ABHD18: variants seen among roughly 807,000 people sequenced by gnomAD.
The protein encoded by ABHD18 is cardiolipin-specific deacylase, mitochondrial.
A neutral mutation model predicts 65.9 loss-of-function variants in ABHD18; 55 were observed. The ratio of observed to expected loss-of-function variants is 0.84; its 90% CI spans 0.67 to 1.05. The LOEUF (loss-of-function observed/expected upper bound fraction) is 1.05. Ranked by LOEUF, ABHD18 falls within the 50% of genes least tolerant of loss-of-function variation. The pLI is 0.00. For missense variants in ABHD18, 533 were observed against 558.5 expected (o/e 0.95, Z 0.46); for synonymous variants, 181 against 180.2 (o/e 1.00, Z -0.04).
intron 7 of ABHD18, among the ~76,000 whole-genome samples, chr4:128,015,307 C>T: frequency 6.6e-6 from 1 of 152,118 alleles, no homozygotes; most frequent in East Asian, 1.9e-4. Context: ...GTCGCTCTCT[C>T]TTTTTAAAAA....
chr4:127,984,408 A>G lies in ABHD18; in HGVS notation c.162A>G (p.Pro54=). Residue 54 remains proline (P), a synonymous_variant, in exon 3 of 13, where the codon CCA becomes CCG. Coordinates refer to ENST00000645843, the MANE Select transcript of ABHD18 (RefSeq NM_001358451.3). ...AGAATCTGGTTTCAAGCGATTATCC[A>G]GTACACATTGATAAGGTATTCAAAT... ...RCQNLVSSDY[P]VHIDKIEEQS... is the part of the protein sequence containing the mutation. The G allele has an allele frequency of 1.3e-6, 2 of 1,541,484 alleles. No homozygotes were observed. The highest frequency in any genetic ancestry group is 1.2e-5 in the South Asian group (1 of 83,170).
chr4:127,978,917 T>C (rs1748468166), intron 1 of ABHD18, among the ~76,000 whole-genome samples: 1 of 150,868 alleles, frequency 6.6e-6, no homozygotes, highest in Non-Finnish European at 1.5e-5. Flanking sequence ...TGAAAAATCG[T>C]AAGTTGAACC....
At chr4:127,991,550 A>G (rs1387139310) in intron 4 of ABHD18, among the ~76,000 whole-genome samples, 1 of 151,986 alleles carries the variant, frequency 6.6e-6, no homozygotes, top group African/African-American at 2.4e-5. Flanking sequence ...AGTTGTTTTT[A>G]ATTCTAAATC....
chr4:128,023,130 CA>C (rs1014571879), intron 10 of ABHD18, among the ~76,000 whole-genome samples: 4 of 150,772 alleles, frequency 2.7e-5, no homozygotes, highest in African/African-American at 9.7e-5. Flanking sequence ...TAAGAAACTT[CA>C]AAAAAAAGAA....
At chr4:128,016,212 A>G (rs1436806375) in intron 7 of ABHD18, among the ~76,000 whole-genome samples, 1 of 152,016 alleles carries the variant, frequency 6.6e-6, no homozygotes, top group Non-Finnish European at 1.5e-5. Flanking sequence ...TTGGCCTCCC[A>G]AAGTATTGGG....
chr4:127,992,819 C>T (rs1751148305), intron 4 of ABHD18, among the ~76,000 whole-genome samples: 1 of 152,156 alleles, frequency 6.6e-6, no homozygotes, highest in Non-Finnish European at 1.5e-5. Context: ...GCTGAGATTA[C>T]AGACTTGAGC....
At chr4:127,984,685 C>T (rs1201116124) in intron 3 of ABHD18, among the ~76,000 whole-genome samples, 1 of 151,788 alleles carries the variant, frequency 6.6e-6, no homozygotes, top group Non-Finnish European at 1.5e-5. Context: ...GGAGAAACCC[C>T]GTCTCTGCTT....
chr4:128,014,427 G>T (rs957448722), intron 7 of ABHD18, among the ~76,000 whole-genome samples: 2 of 152,096 alleles, frequency 1.3e-5, no homozygotes, highest in East Asian at 3.9e-4. Context: ...ACTGACTTTG[G>T]AGTCATACAG....
At chr4:128,005,501 C>T (rs1415337318) in intron 4 of ABHD18, among the ~76,000 whole-genome samples, 2 of 152,118 alleles carry the variant, frequency 1.3e-5, no homozygotes, top group Non-Finnish European at 2.9e-5. Context: ...CTCACTCTGT[C>T]ACCTAGGGTG....
chr4:127,980,079 G>A (rs1483305887), intron 1 of ABHD18, among the ~76,000 whole-genome samples: 1 of 152,114 alleles, frequency 6.6e-6, no homozygotes, highest in Non-Finnish European at 1.5e-5. Context: ...ATGTGTTCCC[G>A]ATAGTTCACG....
intron 4 of ABHD18, among the ~76,000 whole-genome samples, chr4:127,996,438 TA>T (rs112399823): frequency 0.078 from 11,876 of 151,906 alleles, 922 homozygotes; most frequent in East Asian, 0.26. Context: ...TTAGGGATTT[TA>T]AAAAGGGGAG....
At chr4:128,003,439 A>G (rs1489186038) in intron 4 of ABHD18, among the ~76,000 whole-genome samples, 1 of 152,052 alleles carries the variant, frequency 6.6e-6, no homozygotes, top group African/African-American at 2.4e-5. Flanking sequence ...AACCATAGAG[A>G]AACTACCAAA....
At chr4:128,010,776 G>C (rs181593704) in intron 6 of ABHD18, among the ~76,000 whole-genome samples, 1 of 151,578 alleles carries the variant, frequency 6.6e-6, no homozygotes, top group African/African-American at 2.4e-5. Context: ...TTAGCCAGGC[G>C]TGGTGGCGTG....
chr4:127,979,387 C>G (rs900037836), intron 1 of ABHD18, among the ~76,000 whole-genome samples: 16 of 152,054 alleles, frequency 1.1e-4, no homozygotes, highest in Admixed American at 8.5e-4. Flanking sequence ...AACCCCGTCT[C>G]TACTAAAAAT....
chr4:128,021,867 T>C (rs1397014308), intron 10 of ABHD18, among the ~76,000 whole-genome samples: 1 of 152,188 alleles, frequency 6.6e-6, no homozygotes, highest in Admixed American at 6.6e-5. Context: ...TCGTTATCCT[T>C]ATGTTTATAG....
Position 128,030,658 on chromosome 4 carries a change from A to G in ABHD18, c.1329A>G (p.Lys443=). Residue 443 remains lysine, a synonymous_variant, in exon 12 of 13, where the codon AAA becomes AAG. Transcript: ENST00000645843. ...GTCATATTAGTGCTTATCTTTTTAA[A>G]CAAGGACTCTTCAGGTAAGACGGCT... The part of the protein sequence containing the change: ...EGGHISAYLF[K]QGLFRQAIYD... 6.3e-7 allele frequency: 1 copy of G among 1,593,308 alleles called. No individual in the cohort carries two copies. Among genetic ancestry groups the G allele is most frequent in the Non-Finnish European group, 8.5e-7 (1 of 1,175,676 alleles).
Position 128,017,474 on chromosome 4 carries a change from A to G in ABHD18, c.582A>G (p.Gly194=). ...AGAGGGAAGGTTACGGCCCTTTAGG[A>G]ATGACTGGAATATCCATGGGAGGAC... is the stretch of plus-strand genomic sequence containing the variant. ...WLEREGYGPL[G]MTGISMGGHM... The change falls in exon 8 of 13, where the codon GGA becomes GGG. Residue 194 remains glycine, a synonymous_variant. Transcript: ENST00000645843. 1 of 1,613,224 alleles carries G rather than the reference A, an allele frequency of 6.2e-7. No individual in the cohort carries two copies. The highest frequency in any genetic ancestry group is 8.5e-7 in the Non-Finnish European group (1 of 1,179,618).
At chr4:128,028,402 C>CTTT in intron 10 of ABHD18, 73 bp from the exon 11 acceptor site, 1 of 1,011,472 alleles carries the variant, frequency 9.9e-7, no homozygotes, top group Non-Finnish European at 1.3e-6. Flanking sequence ...TGTCTTTTCT[C>CTTT]TTTTTTTTTT....
chr4:128,028,086 AC>A (rs897804713), intron 10 of ABHD18, among the ~76,000 whole-genome samples: 5 of 152,300 alleles, frequency 3.3e-5, no homozygotes, highest in Admixed American at 2.6e-4. Flanking sequence ...TATCTCCAAA[AC>A]ATTTTTATCT....
Sources: gnomAD v4.1 joint callset for allele counts (sites outside exome capture counted in the v4.1 genomes callset) on GRCh38, gnomAD v4.1.1 for gene constraint, MANE v1.5 for transcripts, NCBI Gene and HGNC (gene_info 2026-07-23, HGNC 2026-07-21) for gene names.